Variants in CENPK observed in about 807,000 individuals in gnomAD.
The protein encoded by CENPK is SoxLZ/Sox6-binding protein Solt.
Under a neutral mutation model 40.9 loss-of-function variants are expected in CENPK, and 46 were observed. That is an observed-to-expected ratio of 1.13 (90% confidence interval 0.89 to 1.44). CENPK has a LOEUF of 1.44. CENPK is among the 40% of genes most tolerant of loss of function. The pLI, the probability that CENPK is intolerant of heterozygous loss-of-function variation, is 0.00. For missense variants in CENPK, 288 were observed against 303.5 expected (o/e 0.95, Z 0.38); for synonymous variants, 107 against 104.4 (o/e 1.02, Z -0.15).
chr5:65,539,463 AAAG>A (rs1354335886), intron 6 of CENPK, among the ~76,000 whole-genome samples: 8 of 152,226 alleles, frequency 5.3e-5, no homozygotes, highest in Non-Finnish European at 1.2e-4. Flanking sequence ...ACGAAATAGG[AAAG>A]AAGGGGTAAC....
At chr5:65,515,204 A>ATTTTTTTTT (rs1554102335), downstream of CENPK, among the ~76,000 whole-genome samples, 8 of 124,054 alleles carry the variant, frequency 6.4e-5, no homozygotes, top group African/African-American at 1.9e-4. Flanking sequence ...TCTCAAAAAA[A>ATTTTTTTTT]TTTTTTTTTT....
intron 5 of CENPK, 132 bp downstream of exon 5, chr5:65,551,432 G>A: frequency 5.5e-6 from 3 of 543,420 alleles, no homozygotes; most frequent in South Asian, 2.9e-5. Flanking sequence ...AAAAAAAGTG[G>A]CTTCTCGGTA....
Position 65,535,150 on chromosome 5 carries a change from C to G in CENPK, c.289-5951G>C, listed in dbSNP as rs188362988. ...GAGAATCCCTTAAGTAGGAGAATCCCTTAAGCCTGAGGTCAAGGTTACAAC... is the reference window on the plus strand; with the variant it reads ...GAGAATCCCTTAAGTAGGAGAATCCGTTAAGCCTGAGGTCAAGGTTACAAC... On this transcript the variant is annotated intron_variant, in intron 6 of 10. Coordinates refer to ENST00000396679, the MANE Select transcript of CENPK (RefSeq NM_022145.5). Among the ~76,000 whole-genome samples the G allele has an allele frequency of 1.4e-3, 209 of 151,854 alleles. 1 individual carries two copies. The highest frequency in any genetic ancestry group is 4.8e-3 in the African/African-American group (200 of 41,490).
At chr5:65,539,960 A>G (rs75227150) in intron 6 of CENPK, among the ~76,000 whole-genome samples, 2,922 of 152,334 alleles carry the variant, frequency 0.019, 71 homozygotes, top group African/African-American at 0.058. Context: ...CATGCTAGGC[A>G]GTATGGCCCA....
At chr5:65,542,652 A>C in intron 6 of CENPK, 150 bp downstream of exon 6, 1 of 570,552 alleles carries the variant, frequency 1.8e-6, no homozygotes, top group East Asian at 3.3e-5. Flanking sequence ...AAAAAAAATC[A>C]AATATTATGT....
chr5:65,506,961 A>G, the CENPK span, among the ~76,000 whole-genome samples: 1 of 152,218 alleles, frequency 6.6e-6, no homozygotes, highest in Admixed American at 6.5e-5. Context: ...GTTTCAAGCA[A>G]CATAAAACCT....
intron 5 of CENPK, among the ~76,000 whole-genome samples, chr5:65,545,416 A>G (rs1040384706): frequency 6.6e-6 from 1 of 151,572 alleles, no homozygotes; most frequent in African/African-American, 2.4e-5. Flanking sequence ...TCAGAATGAC[A>G]GCACATTTCT....
At chr5:65,541,903 T>G (rs1264162069) in intron 6 of CENPK, among the ~76,000 whole-genome samples, 1 of 152,224 alleles carries the variant, frequency 6.6e-6, no homozygotes, top group Non-Finnish European at 1.5e-5. Context: ...TACTACAGAC[T>G]GGAGATCTTA....
chr5:65,538,047 T>G (rs1747276255), intron 6 of CENPK, among the ~76,000 whole-genome samples: 1 of 152,212 alleles, frequency 6.6e-6, no homozygotes, highest in Non-Finnish European at 1.5e-5. Context: ...GTATTGCTAT[T>G]CCAATTTTTG....
At chr5:65,533,150 G>A (rs1297141152) in intron 6 of CENPK, among the ~76,000 whole-genome samples, 1 of 151,656 alleles carries the variant, frequency 6.6e-6, no homozygotes, top group African/African-American at 2.4e-5. Context: ...AAGAGTTCAA[G>A]ACCAGCCTGG....
At chr5:65,515,204 A>T (rs867265205), downstream of CENPK, among the ~76,000 whole-genome samples, 131 of 124,062 alleles carry the variant, frequency 1.1e-3, 1 homozygote, top group Middle Eastern at 0.015. Context: ...TCTCAAAAAA[A>T]TTTTTTTTTT....
At chr5:65,545,910 A>C (rs1005073275) in intron 5 of CENPK, among the ~76,000 whole-genome samples, 1 of 152,234 alleles carries the variant, frequency 6.6e-6, no homozygotes, top group Non-Finnish European at 1.5e-5. Flanking sequence ...ATTGTGAGAT[A>C]ATAAATGTAT....
At chr5:65,497,643 T>C in the CENPK span, among the ~76,000 whole-genome samples, 30 of 152,352 alleles carry the variant, frequency 2.0e-4, no homozygotes, top group African/African-American at 7.0e-4. Flanking sequence ...AAGCCAGGGA[T>C]ACCAGGAGGT....
the CENPK span, among the ~76,000 whole-genome samples, chr5:65,512,615 A>T: frequency 6.6e-6 from 1 of 152,236 alleles, no homozygotes; most frequent in Non-Finnish European, 1.5e-5. Flanking sequence ...AAATAATGCT[A>T]TGTATAGTTA....
chr5:65,555,678 T>C (rs957256034), intron 2 of CENPK, among the ~76,000 whole-genome samples: 4 of 152,188 alleles, frequency 2.6e-5, no homozygotes, highest in African/African-American at 9.7e-5. Flanking sequence ...GAATGTCCCA[T>C]TCTGGATATA....
At chr5:65,551,318 G>A (rs1262013716) in intron 5 of CENPK, 12 of 412,438 alleles carry the variant, frequency 2.9e-5, no homozygotes, top group Non-Finnish European at 5.2e-5. Flanking sequence ...TGTCTATGAG[G>A]ATAACATAAT....
intron 2 of CENPK, among the ~76,000 whole-genome samples, chr5:65,559,547 T>C (rs1235286296): frequency 6.8e-6 from 1 of 146,480 alleles, no homozygotes; most frequent in Non-Finnish European, 1.5e-5. Context: ...GAGAATGGCG[T>C]GAACCCGGGA....
intron 9 of CENPK, among the ~76,000 whole-genome samples, chr5:65,526,029 C>G (rs1193977086): frequency 2.0e-5 from 3 of 151,972 alleles, no homozygotes; most frequent in Non-Finnish European, 2.9e-5. Context: ...GAGAAAGAAA[C>G]AGAGAGACAA....
chr5:65,559,095 A>G (rs1172832494), intron 2 of CENPK, among the ~76,000 whole-genome samples: 1 of 152,064 alleles, frequency 6.6e-6, no homozygotes, highest in Non-Finnish European at 1.5e-5. Flanking sequence ...AAATCAGAAT[A>G]CCCCTCCTCA....
Sources: gnomAD v4.1 joint callset for allele counts (sites outside exome capture counted in the v4.1 genomes callset) on GRCh38, gnomAD v4.1.1 for gene constraint, MANE v1.5 for transcripts, NCBI Gene and HGNC (gene_info 2026-07-23, HGNC 2026-07-21) for gene names.